Variants in KLB observed in about 807,000 individuals in gnomAD.
KLB encodes the protein beta-klotho.
A neutral mutation model predicts 88.4 loss-of-function variants in KLB; 44 were observed. The ratio of observed to expected loss-of-function variants is 0.50; its 90% CI spans 0.39 to 0.64. The LOEUF is 0.64. Ranked by LOEUF, KLB falls within the 30% of genes least tolerant of loss-of-function variation. The pLI is 0.00. For missense variants in KLB, 1,137 were observed against 1,304.8 expected (o/e 0.87, Z 1.98); for synonymous variants, 548 against 513.4 (o/e 1.07, Z -0.91).
chr4:39,439,685 A>G (rs1743555192), intron 3 of KLB, among the ~76,000 whole-genome samples: 2 of 129,576 alleles, frequency 1.5e-5, no homozygotes, highest in African/African-American at 6.1e-5. Context: ...TTGGAGACGG[A>G]GCTTTATTCT....
intron 3 of KLB, among the ~76,000 whole-genome samples, chr4:39,444,742 G>T (rs1480200068): frequency 6.6e-6 from 1 of 152,108 alleles, no homozygotes; most frequent in African/African-American, 2.4e-5. Context: ...CATTAAAACT[G>T]GCCATCTAGG....
intron 1 of KLB, among the ~76,000 whole-genome samples, chr4:39,423,418 C>T (rs922534076): frequency 1.3e-5 from 2 of 151,780 alleles, no homozygotes; most frequent in Non-Finnish European, 2.9e-5. Flanking sequence ...CTATTTAGCT[C>T]TTTTAATAAC....
chr4:39,447,032 T>C lies in KLB; in HGVS notation c.2306T>C (p.Ile769Thr). Residue 769 changes from isoleucine (I) to threonine (T), a missense_variant, in exon 4 of 5, where the codon ATC (isoleucine) becomes ACC (threonine). Coordinates refer to ENST00000257408, the MANE Select transcript of KLB (RefSeq NM_175737.4). ...RAAERFLQFE[I>T]AWFAEPLFKT... ...GCCGAGCGCTTCCTGCAGTTCGAGA[T>C]CGCCTGGTTCGCCGAGCCGCTCTTC... The C allele has an allele frequency of 6.2e-7, 1 of 1,611,700 alleles. No individual in the cohort carries two copies.
rs187055696 is a variant in KLB at position 39,407,476 on chromosome 4, G to A, written c.527G>A (p.Ser176Asn). The change falls in exon 1 of 5, where the codon AGT (serine) becomes AAT (asparagine). Residue 176 changes from serine (S) to asparagine (N), a missense_variant. By Grantham distance (46) the Ser-to-Asn change is conservative. This residue lies in a region of KLB where 597 missense variants were observed against 765.2 expected (regional missense o/e 0.78). Transcript: ENST00000257408. Reference sequence around the variant, plus strand: ...AACGCAAAAGGTCTGCAGTACTACAGTACTCTTCTGGACGCTCTAGTGCTT... The same window carrying A: ...AACGCAAAAGGTCTGCAGTACTACAATACTCTTCTGGACGCTCTAGTGCTT... Reference protein sequence around the residue: ...VANAKGLQYYSTLLDALVLRN... With the variant: ...VANAKGLQYYNTLLDALVLRN... 11 of 1,614,158 alleles carry A rather than the reference G, an allele frequency of 6.8e-6. No individual in the cohort carries two copies. In the East Asian group the frequency reaches 1.1e-4, roughly 16 times the overall value.
intron 1 of KLB, among the ~76,000 whole-genome samples, chr4:39,431,089 G>GTTTT (rs1311213447): frequency 1.3e-5 from 1 of 77,046 alleles, no homozygotes. Context: ...GCTAATTTTT[G>GTTTT]TATTTTTTTT....
At chr4:39,416,797 A>G (rs1175380435) in intron 1 of KLB, among the ~76,000 whole-genome samples, 2 of 152,096 alleles carry the variant, frequency 1.3e-5, no homozygotes, top group African/African-American at 4.8e-5. Flanking sequence ...GTAAATAATA[A>G]AACTGCAAAA....
chr4:39,434,651 A>G lies in KLB; in HGVS notation c.1267A>G (p.Ser423Gly). ...LIAENGWFTD[S>G]RVKTEDTTAI... ...TGCTGAGAATGGCTGGTTCACAGAC[A>G]GTCGTGTGAAAACAGAAGACACCAC... is the stretch of plus-strand genomic sequence containing the variant. Residue 423 changes from serine to glycine, a missense_variant, in exon 2 of 5, where the codon AGT becomes GGT. Transcript: ENST00000257408. The G allele has an allele frequency of 6.2e-7, 1 of 1,613,868 alleles. No individual in the cohort carries two copies. Among genetic ancestry groups the G allele is most frequent in the Admixed American group, 1.7e-5 (1 of 60,022 alleles).
At chr4:39,434,860 G>T in intron 2 of KLB, 140 bp downstream of exon 2, 1 of 682,034 alleles carries the variant, frequency 1.5e-6, no homozygotes, top group Non-Finnish European at 2.4e-6. Context: ...AGGCTGAAGT[G>T]CAGTGGCACC....
chr4:39,411,849 T>C (rs1372353220), intron 1 of KLB: 1 of 151,946 alleles, frequency 6.6e-6, no homozygotes, highest in African/African-American at 2.4e-5. Context: ...ATAATATCTA[T>C]GTATTCTAAG....
intron 2 of KLB, among the ~76,000 whole-genome samples, chr4:39,435,941 G>T (rs1448042196): frequency 6.6e-6 from 1 of 152,116 alleles, no homozygotes; most frequent in East Asian, 1.9e-4. Context: ...AGTTTTTCTG[G>T]AAATTGTGAT....
At chr4:39,441,725 T>A (rs1031741202) in intron 3 of KLB, 79 of 151,930 alleles carry the variant, frequency 5.2e-4, no homozygotes, top group African/African-American at 1.9e-3. Context: ...CAGATTTCTG[T>A]TCCTTCTCTA....
chr4:39,431,858 A>T (rs938575785), intron 1 of KLB, among the ~76,000 whole-genome samples: 1 of 152,200 alleles, frequency 6.6e-6, no homozygotes, highest in African/African-American at 2.4e-5. Flanking sequence ...TCTTTGACCT[A>T]CGTAAAAGGC....
chr4:39,435,417 C>G (rs115424358), intron 2 of KLB, among the ~76,000 whole-genome samples: 9,519 of 151,814 alleles, frequency 0.063, 355 homozygotes, highest in East Asian at 0.097. Flanking sequence ...CGCACCCAGC[C>G]TGAAATTTTT....
In KLB at chr4:39,446,743, T is replaced by A. The variant is rs765644764; in HGVS notation, c.2017T>A (p.Tyr673Asn). ...ATCGACGGCCGAGGCCTTCCAGGCC[T>A]ACGCTGGGCTGTGCTTCCAGGAGCT... ...NPSTAEAFQA[Y>N]AGLCFQELGD... The change falls in exon 4 of 5, where the codon TAC becomes AAC. Residue 673 changes from tyrosine to asparagine, a missense_variant. Tyr to Asn is a moderately radical substitution (Grantham distance 143, BLOSUM62 -2). Coordinates refer to ENST00000257408, the MANE Select transcript of KLB (RefSeq NM_175737.4). This position sits in a 1 kb window ranked among gnomAD's most constrained non-coding sequence, Gnocchi z 6.4. 5 of 1,604,652 alleles carry A rather than the reference T, an allele frequency of 3.1e-6. No homozygotes were observed. In the Admixed American group the frequency reaches 8.4e-5, roughly 27 times the overall value.
At chr4:39,411,679 C>T (rs921804495) in intron 1 of KLB, among the ~76,000 whole-genome samples, 1 of 151,834 alleles carries the variant, frequency 6.6e-6, no homozygotes, top group Admixed American at 6.6e-5. Flanking sequence ...GCCACTGCTC[C>T]TGGCCCTGGC....
chr4:39,431,055 T>G (rs1743347772), intron 1 of KLB, among the ~76,000 whole-genome samples: 1 of 150,760 alleles, frequency 6.6e-6, no homozygotes, highest in African/African-American at 2.4e-5. Flanking sequence ...TAGCTGGGAC[T>G]ACAGGCACGT....
chr4:39,436,306 C>G (rs1743470990), intron 2 of KLB, among the ~76,000 whole-genome samples: 2 of 152,180 alleles, frequency 1.3e-5, no homozygotes, highest in African/African-American at 4.8e-5. Context: ...CCCTGCCGCC[C>G]CAAGTTGCAG....
chr4:39,411,098 G>T (rs935626717), intron 1 of KLB, among the ~76,000 whole-genome samples: 1 of 152,116 alleles, frequency 6.6e-6, no homozygotes, highest in African/African-American at 2.4e-5. Flanking sequence ...TTGTTGCCCA[G>T]CCTGGAGTGC....
intron 1 of KLB, among the ~76,000 whole-genome samples, chr4:39,415,061 T>C (rs760537230): frequency 6.6e-6 from 1 of 151,760 alleles, no homozygotes; most frequent in Admixed American, 6.6e-5. Context: ...TACAGGAATG[T>C]GCCACCACTC....
Sources: gnomAD v4.1 joint callset for allele counts (sites outside exome capture counted in the v4.1 genomes callset) on GRCh38, gnomAD v4.1.1 for gene constraint, gnomAD v4.1.1 regional missense constraint, Gnocchi (gnomAD v3.1) non-coding constraint, MANE v1.5 for transcripts, NCBI Gene and HGNC (gene_info 2026-07-23, HGNC 2026-07-21) for gene names.